The following ZEB2 variants were observed in gnomAD, a reference collection of about 807,000 sequenced individuals.
ZEB2 encodes the protein zinc finger E-box binding homeobox 2.
ZEB2 carries 6 observed loss-of-function variants against 99.9 expected under a neutral mutation model. The observed-to-expected ratio is 0.06, with a 90% CI of 0.03 to 0.12. The LOEUF is 0.12. Ranked by LOEUF, ZEB2 falls within the 10% of genes least tolerant of loss-of-function variation. The pLI is 1.00. For missense variants in ZEB2, 969 were observed against 1,502.8 expected, an observed-to-expected ratio of 0.64 and a Z score of 5.87; for synonymous variants, 517 against 542.5, an observed-to-expected ratio of 0.95 and a Z score of 0.65.
intron 2 of ZEB2, among the ~76,000 whole-genome samples, chr2:144,452,588 T>C (rs1450409127): frequency 3.3e-5 from 5 of 152,244 alleles, no homozygotes; most frequent in African/African-American, 1.2e-4. Flanking sequence ...TAATTAGCTC[T>C]GCTCCGGCGG....
intron 4 of ZEB2, among the ~76,000 whole-genome samples, chr2:144,407,600 A>C (rs1406389537): frequency 6.6e-6 from 1 of 152,238 alleles, no homozygotes; most frequent in Non-Finnish European, 1.5e-5. Context: ...AGAAAGGATA[A>C]AAGGGGCAAA....
intron 9 of ZEB2, among the ~76,000 whole-genome samples, chr2:144,391,554 A>T (rs905126757): frequency 6.6e-6 from 1 of 152,256 alleles, no homozygotes; most frequent in Non-Finnish European, 1.5e-5. Flanking sequence ...GATAACAGAG[A>T]ATCCCAATGG....
At chr2:144,436,992 G>GTA (rs1294819525) in intron 2 of ZEB2, among the ~76,000 whole-genome samples, 14 of 152,216 alleles carry the variant, frequency 9.2e-5, no homozygotes, top group Admixed American at 8.5e-4. Flanking sequence ...GGGTTTTCCT[G>GTA]TATATCTAGG....
intron 3 of ZEB2, 177 bp downstream of exon 3, chr2:144,429,592 G>A (rs1703739832): frequency 1.0e-6 from 1 of 989,972 alleles, no homozygotes; most frequent in Admixed American, 2.3e-5. Context: ...CTGCCGCAAT[G>A]TGATAACATT....
Position 144,469,582 on chromosome 2 carries a change from A to G in ZEB2, c.74-39556T>C, listed in dbSNP as rs77319205. ...CAGAGTTCAGAGACAAAGGCAGAGC[A>G]GTAAATCATTTTCTTAGAAAAACAC... On this transcript the variant is annotated intron_variant, in intron 2 of 9. Coordinates refer to ENST00000627532, the MANE Select transcript of ZEB2 (RefSeq NM_014795.4). 6.5e-3 allele frequency among the ~76,000 whole-genome samples: 992 copies of G among 152,292 alleles called. 12 individuals are homozygous for G. Among genetic ancestry groups the G allele is most frequent in the African/African-American group, 0.023 (946 of 41,548 alleles).
At chr2:144,408,285 G>T (rs1156817822) in intron 4 of ZEB2, among the ~76,000 whole-genome samples, 1 of 152,174 alleles carries the variant, frequency 6.6e-6, no homozygotes, top group Admixed American at 6.5e-5. Flanking sequence ...ACTAATCTTG[G>T]TGTAGAGGTC....
chr2:144,453,667 C>T (rs1255159862), intron 2 of ZEB2, among the ~76,000 whole-genome samples: 4 of 152,160 alleles, frequency 2.6e-5, no homozygotes, highest in Admixed American at 6.6e-5. Context: ...GTGATTAATA[C>T]TAACCAGAGG....
intron 9 of ZEB2, among the ~76,000 whole-genome samples, chr2:144,392,150 T>A (rs183665549): frequency 4.9e-4 from 74 of 152,296 alleles, no homozygotes; most frequent in African/African-American, 1.8e-3. Flanking sequence ...AGATGAAAAT[T>A]TTCTTGATGC....
At chr2:144,477,825 TGGAGATGA>T (rs1327585379) in intron 2 of ZEB2, among the ~76,000 whole-genome samples, 2 of 152,214 alleles carry the variant, frequency 1.3e-5, no homozygotes, top group Admixed American at 1.3e-4. Context: ...CCTTTGCTGA[TGGAGATGA>T]GGAGGCCTGA....
chr2:144,393,102 A>G (rs1703173688), intron 9 of ZEB2, among the ~76,000 whole-genome samples: 1 of 152,228 alleles, frequency 6.6e-6, no homozygotes, highest in African/African-American at 2.4e-5. Context: ...TTTAGAATAC[A>G]AATGAGTTCT....
chr2:144,506,667 G>A (rs1172063160), intron 2 of ZEB2, among the ~76,000 whole-genome samples: 1 of 151,976 alleles, frequency 6.6e-6, no homozygotes, highest in Non-Finnish European at 1.5e-5. Flanking sequence ...AGATCACTTG[G>A]GCACTGAATT....
chr2:144,467,796 G>C (rs1704292659), intron 2 of ZEB2, among the ~76,000 whole-genome samples: 1 of 152,148 alleles, frequency 6.6e-6, no homozygotes, highest in Non-Finnish European at 1.5e-5. Context: ...ATTGGGCAGA[G>C]CTGAATCACT....
At chr2:144,518,296 A>C (rs1188509009) in intron 1 of ZEB2, 1 of 152,078 alleles carries the variant, frequency 6.6e-6, no homozygotes, top group African/African-American at 2.4e-5. Flanking sequence ...TTTGTACCTA[A>C]AAATCGAGAG....
chr2:144,471,635 C>T (rs1704357812), intron 2 of ZEB2, among the ~76,000 whole-genome samples: 2 of 151,868 alleles, frequency 1.3e-5, no homozygotes, highest in South Asian at 4.1e-4. Flanking sequence ...TTGTAAGCCA[C>T]CTCCTAGGTA....
chr2:144,513,554 T>C, intron 2 of ZEB2: 3 of 1,529,932 alleles, frequency 2.0e-6, no homozygotes, highest in Non-Finnish European at 2.6e-6. Flanking sequence ...CGGATTTGAT[T>C]TTTGCTACAA....
At chr2:144,452,699 CCT>C (rs575623518) in intron 2 of ZEB2, among the ~76,000 whole-genome samples, 12 of 152,096 alleles carry the variant, frequency 7.9e-5, no homozygotes, top group African/African-American at 1.7e-4. Context: ...CTCTCACCCC[CCT>C]GTCTTTTGTT....
chr2:144,436,589 T>C (rs1703840475), intron 2 of ZEB2, among the ~76,000 whole-genome samples: 1 of 152,198 alleles, frequency 6.6e-6, no homozygotes, highest in African/African-American at 2.4e-5. Flanking sequence ...ACTCATTCCC[T>C]CTGGAAATAT....
At chr2:144,416,101 G>A (rs776051603) in intron 4 of ZEB2, among the ~76,000 whole-genome samples, 27 of 152,258 alleles carry the variant, frequency 1.8e-4, no homozygotes, top group African/African-American at 6.3e-4. Flanking sequence ...GCGAACTTTC[G>A]CTCTCTGATT....
chr2:144,502,680 A>C (rs1394647850), intron 2 of ZEB2, among the ~76,000 whole-genome samples: 1 of 152,224 alleles, frequency 6.6e-6, no homozygotes, highest in East Asian at 1.9e-4. Context: ...AGCTCAAGAC[A>C]CATTCAACGG....
Sources: allele counts gnomAD v4.1 joint callset (sites outside exome capture counted in the v4.1 genomes callset), GRCh38; gene constraint gnomAD v4.1.1; transcripts MANE v1.5; gene names NCBI Gene and HGNC (gene_info 2026-07-23, HGNC 2026-07-21).